LRRC4C: variants seen among roughly 807,000 people sequenced by gnomAD.
LRRC4C encodes leucine-rich repeat-containing protein 4C.
A neutral mutation model predicts 33.6 loss-of-function variants in LRRC4C; 5 were observed. The ratio of observed to expected loss-of-function variants is 0.15; its 90% CI spans 0.08 to 0.31. LRRC4C has a LOEUF of 0.31. Among genes scored for constraint, LRRC4C ranks in the 10% least tolerant of loss-of-function variants. The pLI, the probability that LRRC4C is intolerant of heterozygous loss-of-function variation, is 1.00. For missense variants in LRRC4C, 560 were observed against 796.7 expected (o/e 0.70, Z 3.58); for synonymous variants, 329 against 302.0 (o/e 1.09, Z -0.93).
At chr11:40,488,929 A>T (rs1042930152) in intron 3 of LRRC4C, among the ~76,000 whole-genome samples, 1 of 152,002 alleles carries the variant, frequency 6.6e-6, no homozygotes, top group Non-Finnish European at 1.5e-5. Flanking sequence ...TTTATTTTTT[A>T]AAAATGGAGA....
intron 2 of LRRC4C, among the ~76,000 whole-genome samples, chr11:40,793,539 TACTC>T (rs1279538592): frequency 2.6e-5 from 4 of 152,200 alleles, no homozygotes; most frequent in Non-Finnish European, 5.9e-5. Flanking sequence ...ACTCATTTAA[TACTC>T]ACAACAAACA....
intron 3 of LRRC4C, among the ~76,000 whole-genome samples, chr11:40,452,495 C>T (rs1029081949): frequency 4.1e-4 from 63 of 152,232 alleles, no homozygotes; most frequent in Admixed American, 7.2e-4. Context: ...CATCTCACAC[C>T]AGTTAGAATG....
chr11:40,637,294 A>C (rs747984476), intron 3 of LRRC4C, among the ~76,000 whole-genome samples: 7 of 152,158 alleles, frequency 4.6e-5, no homozygotes, highest in East Asian at 1.9e-4. Flanking sequence ...ACAGGCTTCA[A>C]CGTCCACCAA....
intron 3 of LRRC4C, among the ~76,000 whole-genome samples, chr11:40,638,770 G>GT (rs34192633): frequency 0.4 from 55,940 of 138,766 alleles, 12,059 homozygotes; most frequent in East Asian, 0.6. Context: ...AATTGGTCGA[G>GT]TTTTTTTTTT....
intron 1 of LRRC4C, among the ~76,000 whole-genome samples, chr11:41,213,502 T>A (rs1332836484): frequency 1.3e-5 from 2 of 152,334 alleles, no homozygotes; most frequent in East Asian, 3.9e-4. Context: ...TATAACTGTA[T>A]GTCTAGGTTT....
chr11:40,966,479 C>T (rs1237465301), intron 1 of LRRC4C, among the ~76,000 whole-genome samples: 4 of 151,892 alleles, frequency 2.6e-5, no homozygotes, highest in African/African-American at 9.7e-5. Flanking sequence ...ATCTGTGCCT[C>T]AAGCAGCACT....
intron 1 of LRRC4C, among the ~76,000 whole-genome samples, chr11:41,172,460 C>T (rs1295079760): frequency 6.6e-6 from 1 of 152,146 alleles, no homozygotes; most frequent in East Asian, 1.9e-4. Context: ...TATTCCTTTC[C>T]TTCAAAGGTC....
intron 5 of LRRC4C, among the ~76,000 whole-genome samples, chr11:40,183,004 T>A (rs775109993): frequency 2.0e-5 from 3 of 152,192 alleles, no homozygotes; most frequent in Non-Finnish European, 4.4e-5. Flanking sequence ...ACAGCAGATA[T>A]GTGAATCCAG....
At chr11:41,081,730 T>A (rs1939585962) in intron 1 of LRRC4C, among the ~76,000 whole-genome samples, 1 of 152,052 alleles carries the variant, frequency 6.6e-6, no homozygotes, top group African/African-American at 2.4e-5. Flanking sequence ...CACACACAGA[T>A]ACACACAGGC....
chr11:41,069,970 A>T (rs1938555066), intron 1 of LRRC4C, among the ~76,000 whole-genome samples: 1 of 152,210 alleles, frequency 6.6e-6, no homozygotes, highest in Non-Finnish European at 1.5e-5. Context: ...GACAATCCTA[A>T]ACAAAAAGAA....
chr11:40,626,331 C>A (rs192559323), intron 3 of LRRC4C, among the ~76,000 whole-genome samples: 1 of 152,054 alleles, frequency 6.6e-6, no homozygotes, highest in South Asian at 2.1e-4. Flanking sequence ...ACCCTTATTG[C>A]CCTCTTTCCT....
At chr11:40,804,675 T>C (rs1409598162) in intron 2 of LRRC4C, among the ~76,000 whole-genome samples, 1 of 152,200 alleles carries the variant, frequency 6.6e-6, no homozygotes, top group Non-Finnish European at 1.5e-5. Flanking sequence ...CATAAGCCAG[T>C]TGATTCTCAA....
chr11:41,313,763 T>C (rs1950707258), intron 1 of LRRC4C, among the ~76,000 whole-genome samples: 1 of 152,208 alleles, frequency 6.6e-6, no homozygotes, highest in African/African-American at 2.4e-5. Context: ...TTGTGATTTA[T>C]TCTGTGATCC....
chr11:41,336,698 C>T (rs1198700037), intron 1 of LRRC4C, among the ~76,000 whole-genome samples: 1 of 151,988 alleles, frequency 6.6e-6, no homozygotes, highest in East Asian at 1.9e-4. Context: ...AATTAAAGTC[C>T]CCAGCTTCAT....
intron 1 of LRRC4C, among the ~76,000 whole-genome samples, chr11:41,259,058 A>G (rs1259308744): frequency 1.3e-5 from 2 of 152,194 alleles, no homozygotes; most frequent in East Asian, 3.9e-4. Flanking sequence ...AGAGCAGACT[A>G]TATCCTTTCT....
intron 4 of LRRC4C, among the ~76,000 whole-genome samples, chr11:40,264,716 G>T (rs922433352): frequency 6.6e-6 from 1 of 152,188 alleles, no homozygotes; most frequent in South Asian, 2.1e-4. Flanking sequence ...GAGAAATTTT[G>T]TCCTTGGGAT....
intron 5 of LRRC4C, among the ~76,000 whole-genome samples, chr11:40,186,401 A>C (rs1418088075): frequency 6.6e-6 from 1 of 152,178 alleles, no homozygotes; most frequent in Non-Finnish European, 1.5e-5. Flanking sequence ...TGGGCAAAAA[A>C]TAGGACATGA....
intron 1 of LRRC4C, among the ~76,000 whole-genome samples, chr11:41,319,088 T>C (rs2137254058): frequency 6.6e-6 from 1 of 152,288 alleles, no homozygotes; most frequent in East Asian, 1.9e-4. Context: ...TCTCTGGCAG[T>C]CTTGAGGCCG....
chr11:40,394,261 C>T (rs766191007), intron 3 of LRRC4C, among the ~76,000 whole-genome samples: 4 of 151,938 alleles, frequency 2.6e-5, no homozygotes, highest in Non-Finnish European at 2.9e-5. Context: ...AGTATGCTAG[C>T]GAAAAAACAC....
Sources: gnomAD v4.1 joint callset for allele counts (sites outside exome capture counted in the v4.1 genomes callset) on GRCh38, gnomAD v4.1.1 for gene constraint, MANE v1.5 for transcripts, NCBI Gene and HGNC (gene_info 2026-07-23, HGNC 2026-07-21) for gene names.